The following GRID1 variants were observed in gnomAD, a reference collection of about 807,000 sequenced individuals.
GRID1 encodes glutamate receptor ionotropic, delta-1.
Under a neutral mutation model 98.0 loss-of-function variants are expected in GRID1, and 28 were observed. The ratio of observed to expected loss-of-function variants is 0.29; its 90% CI spans 0.21 to 0.39. The LOEUF (loss-of-function observed/expected upper bound fraction) is 0.39, where lower values mean the gene tolerates loss of function less well. GRID1 is among the 10% of genes least tolerant of loss of function. The pLI is 1.00. For synonymous variants in GRID1, 553 were observed against 538.5 expected (o/e 1.03, Z -0.37); for missense variants, 1,111 against 1,340.5 (o/e 0.83, Z 2.67).
chr10:85,782,841 A>T (rs1420226662), intron 8 of GRID1, among the ~76,000 whole-genome samples: 1 of 152,224 alleles, frequency 6.6e-6, no homozygotes, highest in African/African-American at 2.4e-5. Context: ...GTGTACGTGC[A>T]CGTCTAAATC....
At chr10:86,116,200 A>G (rs1486731438) in intron 4 of GRID1, among the ~76,000 whole-genome samples, 3 of 152,240 alleles carry the variant, frequency 2.0e-5, no homozygotes, top group Non-Finnish European at 4.4e-5. Context: ...AACAGCAGAA[A>G]TATCAACCAA....
chr10:86,092,520 T>C (rs541883502), intron 4 of GRID1, among the ~76,000 whole-genome samples: 1 of 152,224 alleles, frequency 6.6e-6, no homozygotes, highest in South Asian at 2.1e-4. Flanking sequence ...AAGACTCACA[T>C]AAACTTAAAG....
At position 86,239,973 on chromosome 10, in the gene GRID1, G is replaced by A. The variant is rs111730903; in HGVS notation, c.236-33325C>T. Among the ~76,000 whole-genome samples the A allele has an allele frequency of 1.6e-3, 247 of 152,254 alleles. 1 individual carries two copies. Among genetic ancestry groups the A allele is most frequent in the Middle Eastern group, 3.4e-3 (1 of 294 alleles). On this transcript the variant is annotated intron_variant, in intron 2 of 15. Coordinates refer to ENST00000327946, the MANE Select transcript of GRID1 (RefSeq NM_017551.3). ...GACTGGTGTCCTCATAAGAAGAGGA[G>A]ATGAGGACACAGGTACACACAGAGG...
chr10:86,069,339 G>C (rs1197264401), intron 4 of GRID1, among the ~76,000 whole-genome samples: 1 of 152,200 alleles, frequency 6.6e-6, no homozygotes, highest in Admixed American at 6.5e-5. Context: ...GCCTCGCCCT[G>C]AGAGGGCTGC....
At chr10:85,621,359 G>A (rs2132523473) in intron 13 of GRID1, among the ~76,000 whole-genome samples, 1 of 152,254 alleles carries the variant, frequency 6.6e-6, no homozygotes, top group Middle Eastern at 3.4e-3. Context: ...TGAGGACATT[G>A]TCCCTGGCTC....
chr10:85,698,359 T>G (rs905892601), intron 12 of GRID1, among the ~76,000 whole-genome samples: 6 of 152,222 alleles, frequency 3.9e-5, no homozygotes, highest in African/African-American at 2.4e-5. Flanking sequence ...TTTTCCACAC[T>G]TTATCCACAA....
intron 4 of GRID1, among the ~76,000 whole-genome samples, chr10:86,074,365 C>T (rs550759376): frequency 6.6e-6 from 1 of 152,316 alleles, no homozygotes; most frequent in South Asian, 2.1e-4. Context: ...ATTCTACCCG[C>T]TACCGCCACG....
At chr10:86,232,225 G>C (rs577659892) in intron 2 of GRID1, among the ~76,000 whole-genome samples, 1 of 152,178 alleles carries the variant, frequency 6.6e-6, no homozygotes, top group Admixed American at 6.5e-5. Flanking sequence ...TAACGCAGCC[G>C]TTGTATTAGG....
chr10:85,635,921 G>A (rs1405375312), intron 13 of GRID1, among the ~76,000 whole-genome samples: 2 of 152,214 alleles, frequency 1.3e-5, no homozygotes, highest in African/African-American at 2.4e-5. Context: ...AGACTGTCAC[G>A]GGGTAACGAC....
intron 8 of GRID1, among the ~76,000 whole-genome samples, chr10:85,755,484 C>T (rs3011699): frequency 0.41 from 62,988 of 152,084 alleles, 14,253 homozygotes; most frequent in East Asian, 0.74. Context: ...ACTTCTGCAA[C>T]GTCACTTCTG....
chr10:85,781,670 GTA>G, intron 8 of GRID1, among the ~76,000 whole-genome samples: 1 of 152,208 alleles, frequency 6.6e-6, no homozygotes, highest in South Asian at 2.1e-4. Context: ...AGTAAAATCT[GTA>G]TTTAAAGAGC....
chr10:86,076,091 G>T (rs1025688788), intron 4 of GRID1, among the ~76,000 whole-genome samples: 3 of 152,184 alleles, frequency 2.0e-5, no homozygotes, highest in Non-Finnish European at 2.9e-5. Context: ...TCTGGGAAAG[G>T]CTCACCTATT....
At position 85,613,416 on chromosome 10, in the gene GRID1, G is replaced by A. The variant is rs751197552; in HGVS notation, c.2592C>T (p.Thr864=). The change falls in exon 15 of 16, where the codon ACC becomes ACT. Residue 864 remains threonine, a synonymous_variant. Coordinates refer to ENST00000327946, the MANE Select transcript of GRID1 (RefSeq NM_017551.3). The stretch of plus-strand genomic sequence containing the variant: ...GCCCCAGGGTGCTGACCTCCTTGGG[G>A]GTCTCCTGGTGGCACCGGTTGCTGT... ...WWNSNRCHQE[T]PKEDKEVNLE... The A allele has an allele frequency of 6.2e-7, 1 of 1,612,826 alleles. No homozygotes were observed. The highest frequency in any genetic ancestry group is 8.5e-7 in the Non-Finnish European group (1 of 1,179,726).
rs567423187 is a variant in GRID1, at chr10:85,609,283, G to A, written c.2601+4124C>T. Among the ~76,000 whole-genome samples, 56 of 152,318 alleles carry A rather than the reference G, an allele frequency of 3.7e-4. No homozygotes were observed. The South Asian group carries it at 0.011, about 31-fold the overall frequency. On this transcript the variant is annotated intron_variant, in intron 15 of 15. Coordinates refer to ENST00000327946, the MANE Select transcript of GRID1 (RefSeq NM_017551.3). ...GCTCAGCACAGGAAAGGAGCCCTAA[G>A]GTGTCACTTGTCTCTCCCATATTCC...
chr10:85,881,700 G>T (rs942154606), intron 5 of GRID1, among the ~76,000 whole-genome samples: 1 of 152,118 alleles, frequency 6.6e-6, no homozygotes, highest in Non-Finnish European at 1.5e-5. Flanking sequence ...ATACCATTCA[G>T]GACATAGGCA....
At chr10:85,760,370 T>C (rs937372662) in intron 8 of GRID1, among the ~76,000 whole-genome samples, 9 of 152,298 alleles carry the variant, frequency 5.9e-5, no homozygotes, top group African/African-American at 1.9e-4. Context: ...TAAGTGGAAA[T>C]AGTGCTACTG....
At chr10:85,649,456 C>T (rs763152508) in intron 12 of GRID1, among the ~76,000 whole-genome samples, 6 of 151,580 alleles carry the variant, frequency 4.0e-5, no homozygotes, top group Non-Finnish European at 8.8e-5. Flanking sequence ...GTAACTCTGC[C>T]GTAATTTGCC....
intron 5 of GRID1, among the ~76,000 whole-genome samples, chr10:85,892,671 C>T (rs1286010454): frequency 6.6e-6 from 1 of 151,570 alleles, no homozygotes; most frequent in African/African-American, 2.4e-5. Flanking sequence ...TCTAAATAGT[C>T]CTAGATCTGC....
intron 8 of GRID1, among the ~76,000 whole-genome samples, chr10:85,758,369 G>T (rs1305746756): frequency 2.6e-5 from 4 of 152,138 alleles, no homozygotes; most frequent in Admixed American, 6.5e-5. Context: ...AACCACTAGG[G>T]GTGGGCAATT....
Sources: gnomAD v4.1 joint callset for allele counts (sites outside exome capture counted in the v4.1 genomes callset) on GRCh38, gnomAD v4.1.1 for gene constraint, MANE v1.5 for transcripts, NCBI Gene and HGNC (gene_info 2026-07-23, HGNC 2026-07-21) for gene names.